The following MYO7A variants were observed in gnomAD, a reference collection of about 807,000 sequenced individuals.
The protein encoded by MYO7A is myosin VIIA, also known as unconventional myosin-VIIa.
A neutral mutation model predicts 263.8 loss-of-function variants in MYO7A; 210 were observed. That is an observed-to-expected ratio of 0.80 (90% CI 0.71 to 0.89). The LOEUF is 0.89. MYO7A is among the 40% of genes least tolerant of loss of function. MYO7A has a pLI of 0.00. For synonymous variants in MYO7A, 1,239 were observed against 1,197.3 expected (o/e 1.03, Z -0.72); for missense variants, 2,820 against 2,968.3 (o/e 0.95, Z 1.16).
rs918959221 is a variant in MYO7A, at chr11:77,155,721, G to C, written c.286-186G>C. Among the ~76,000 whole-genome samples the C allele has an allele frequency of 2.0e-5, 3 of 152,206 alleles. No individual in the cohort carries two copies. The East Asian group carries it at 5.8e-4, about 29-fold the overall frequency. On this transcript the variant is annotated intron_variant, in intron 4 of 48. Coordinates refer to ENST00000409709, the MANE Select transcript of MYO7A (RefSeq NM_000260.4). ...GAGCACTAACTCCGAGCCAGACCCA[G>C]TGCTGGACAGAAGGCCCTGCCCCAG...
chr11:77,183,115 G>A lies in MYO7A; in HGVS notation c.3333G>A (p.Leu1111=), dbSNP rs1555086006. ...AGAAGAGCAGTGTGAGGCACAAGCT[G>A]GTGCATTTGACTCTGAAAAAGAAGT... ...GQKKSSVRHK[L]VHLTLKKKSK... Residue 1111 remains leucine (L), a synonymous_variant, in exon 26 of 49, where the codon CTG becomes CTA. Coordinates refer to ENST00000409709, the MANE Select transcript of MYO7A (RefSeq NM_000260.4). 2 of 1,552,360 alleles carry A rather than the reference G, an allele frequency of 1.3e-6. No individual in the cohort carries two copies. The highest frequency in any genetic ancestry group is 3.9e-5 in the Admixed American group (2 of 51,126).
chr11:77,161,016 A>G lies in MYO7A; in HGVS notation c.1244A>G (p.Asn415Ser), dbSNP rs781837338. Reference protein sequence around the residue: ...RLFVWIVDKINAAIYKPPSQD... With the variant: ...RLFVWIVDKISAAIYKPPSQD... ...TTCGTGTGGATTGTGGACAAGATCA[A>G]CGCAGCAATTTACAAGCCTCCCTCC... is the stretch of plus-strand genomic sequence containing the variant. Residue 415 changes from asparagine (N) to serine (S), a missense_variant, in exon 12 of 49, where the codon AAC (asparagine) becomes AGC (serine). Transcript: ENST00000409709. 1.9e-6 allele frequency: 3 copies of G among 1,613,130 alleles called. No individual in the cohort carries two copies. The highest frequency in any genetic ancestry group is 1.1e-5 in the South Asian group (1 of 90,742).
Position 77,158,361 on chromosome 11 carries a change from G to A in MYO7A, c.934G>A (p.Asp312Asn). Residue 312 changes from aspartate to asparagine, a missense_variant, in exon 9 of 49, where the codon GAC becomes AAC. Coordinates refer to ENST00000409709, the MANE Select transcript of MYO7A (RefSeq NM_000260.4). ...RSAMKVLMFT[D>N]TENWEISKLL... ...CGCCATGAAGGTGCTCATGTTCACT[G>A]ACACCGAGAACTGGGAGATCTCGAA... 6.2e-7 allele frequency: 1 copy of A among 1,613,396 alleles called. No individual in the cohort carries two copies.
At position 77,206,338 on chromosome 11, in the gene MYO7A, CG is replaced by C. The variant is rs1194860425; in HGVS notation, c.5742+140del. 4 of 677,384 alleles carry C rather than the reference CG, an allele frequency of 5.9e-6. No individual in the cohort carries two copies. The Admixed American group carries it at 1.2e-4, about 19-fold the overall frequency. 42.0% of individuals were successfully genotyped at this position (677,384 alleles called of 1,614,324 possible). A position where few individuals can be genotyped will look rare whatever the true frequency, so the allele number is the denominator to read the frequency against. ...TCGTCCTCCTGCCCCGTAGTGGAGT[CG>C]GGGCTCAGGACGAAGGCCATCGACT... On this transcript the variant is annotated intron_variant, in intron 41 of 48. Coordinates refer to ENST00000409709, the MANE Select transcript of MYO7A (RefSeq NM_000260.4).
intron 3 of MYO7A, 31 bp from the exon 4 acceptor site, chr11:77,147,767 G>A (rs1473510807): frequency 6.2e-7 from 1 of 1,603,834 alleles, no homozygotes; most frequent in Non-Finnish European, 8.5e-7. Context: ...TGGGCCCCAG[G>A]AGAGCACGCT....
At chr11:77,155,188 T>G (rs1221224264) in intron 4 of MYO7A, among the ~76,000 whole-genome samples, 3 of 152,218 alleles carry the variant, frequency 2.0e-5, no homozygotes, top group Non-Finnish European at 4.4e-5. Context: ...TGGCAGGACC[T>G]CAAGGCCACA....
At chr11:77,173,723 C>G (rs1435810245) in intron 16 of MYO7A, among the ~76,000 whole-genome samples, 2 of 152,120 alleles carry the variant, frequency 1.3e-5, no homozygotes, top group African/African-American at 2.4e-5. Flanking sequence ...AGGAAACAGT[C>G]TCCGGAAGCT....
At chr11:77,198,686 C>A (rs981562819) in intron 34 of MYO7A, 65 bp downstream of exon 34, 1 of 1,600,806 alleles carries the variant, frequency 6.2e-7, no homozygotes, top group Non-Finnish European at 8.5e-7. Flanking sequence ...AGCTTCCCTG[C>A]GGGTCACAGG....
At chr11:77,159,876 T>G (rs552886044) in intron 10 of MYO7A, among the ~76,000 whole-genome samples, 5 of 152,262 alleles carry the variant, frequency 3.3e-5, no homozygotes, top group African/African-American at 1.2e-4. Flanking sequence ...CTTATTAGGG[T>G]TGGAAAACTG....
Position 77,173,009 on chromosome 11 carries a change from C to A in MYO7A, c.1935+124C>A, listed in dbSNP as rs984952029. ...TTGTCCCTTTGGGGAATGGGGGGCA[C>A]CCCGGGAGCTTACAAAACAAGGCCC... On this transcript the variant is annotated intron_variant, in intron 16 of 48. Transcript: ENST00000409709. 1.1e-5 allele frequency: 15 copies of A among 1,350,746 alleles called. No individual in the cohort carries two copies. In the Admixed American group the frequency reaches 3.6e-4, roughly 33 times the overall value. The allele number at this position is 1,350,746 out of a possible 1,614,324, so 83.7% of individuals were successfully genotyped here. A position where few individuals can be genotyped will look rare whatever the true frequency, so the allele number is the denominator to read the frequency against.
chr11:77,211,311 C>G lies in MYO7A; in HGVS notation c.6211C>G (p.Gln2071Glu). ...GCTGGTGCCCCAGGACCTTATCCGG[C>G]AGGTCTCACCTGATGACTGGAAGCG... ...RELVPQDLIR[Q>E]VSPDDWKRSI... Residue 2071 changes from glutamine (Q) to glutamate (E), a missense_variant, in exon 45 of 49, where the codon CAG becomes GAG. Transcript: ENST00000409709. 1.3e-6 allele frequency: 2 copies of G among 1,583,502 alleles called. No individual in the cohort carries two copies. The highest frequency in any genetic ancestry group is 2.7e-5 in the African/African-American group (2 of 74,390).
chr11:77,175,666 G>A (rs1413571292), intron 18 of MYO7A, among the ~76,000 whole-genome samples: 1 of 152,192 alleles, frequency 6.6e-6, no homozygotes, highest in Non-Finnish European at 1.5e-5. Flanking sequence ...TACAACCTGG[G>A]AGTGGGGTCA....
chr11:77,162,932 A>G lies in MYO7A; in HGVS notation c.1634A>G (p.His545Arg), dbSNP rs781981689. The change falls in exon 14 of 49, where the codon CAT becomes CGT. Residue 545 changes from histidine to arginine, a missense_variant. Physicochemically the swap from His to Arg is conservative, Grantham distance 29 (BLOSUM62 0). Coordinates refer to ENST00000409709, the MANE Select transcript of MYO7A (RefSeq NM_000260.4). ...NANYIPPKNN[H>R]ETQFGINHFA... Reference sequence around the variant, plus strand: ...AACTACATCCCCCCCAAGAACAACCATGAGACCCAGTTTGGCATCAACCAT... The same window carrying G: ...AACTACATCCCCCCCAAGAACAACCGTGAGACCCAGTTTGGCATCAACCAT... 1.9e-5 allele frequency: 31 copies of G among 1,613,632 alleles called. 1 individual carries two copies. The South Asian group carries it at 2.3e-4, about 12-fold the overall frequency.
intron 35 of MYO7A, 138 bp from the exon 36 acceptor site, chr11:77,201,310 G>T (rs1957046719): frequency 2.4e-6 from 2 of 828,882 alleles, no homozygotes; most frequent in Non-Finnish European, 3.9e-6. Flanking sequence ...GATGGTCTCT[G>T]TATGGAGAGT....
intron 15 of MYO7A, 53 bp from the exon 16 acceptor site, chr11:77,172,695 A>G (rs1954214562): frequency 1.3e-6 from 2 of 1,544,260 alleles, no homozygotes; most frequent in Admixed American, 3.9e-5. Context: ...GGCTCCTGGG[A>G]CACTGGATGG....
intron 46 of MYO7A, 146 bp downstream of exon 46, chr11:77,212,083 C>A: frequency 1.3e-6 from 1 of 743,290 alleles, no homozygotes; most frequent in Non-Finnish European, 2.4e-6. Context: ...TCAGCCTTGT[C>A]CCAGCTTAGC....
rs767506335 is a variant in MYO7A, at chr11:77,205,536, C to T, written c.5555C>T (p.Pro1852Leu). 1.9e-6 allele frequency: 3 copies of T among 1,609,496 alleles called. No homozygotes were observed. In the South Asian group the frequency reaches 3.3e-5, roughly 18 times the overall value. The change falls in exon 40 of 49, where the codon CCC (proline) becomes CTC (leucine). Residue 1852 changes from proline to leucine, a missense_variant. Coordinates refer to ENST00000409709, the MANE Select transcript of MYO7A (RefSeq NM_000260.4). ...TTCCCACCCAGCAACATCCTCCTGC[C>T]CCACGTGCAGCGCTTCCTGCAGTCC... ...GLFPPSNILL[P>L]HVQRFLQSRK...
chr11:77,190,122 A>G lies in MYO7A; in HGVS notation c.3733A>G (p.Ser1245Gly). Residue 1245 changes from serine to glycine, a missense_variant, in exon 29 of 49, where the codon AGC becomes GGC. Transcript: ENST00000409709. The stretch of plus-strand genomic sequence containing the variant: ...CAATGGGACACGGACACAGCCGCCC[A>G]GCTGGCTGGAGCTGCAGGTTCGTGC... The part of the protein sequence containing the change: ...FVNGTRTQPP[S>G]WLELQATKSK... The G allele has an allele frequency of 5.7e-6, 9 of 1,566,490 alleles. No individual in the cohort carries two copies. The highest frequency in any genetic ancestry group is 7.8e-6 in the Non-Finnish European group (9 of 1,156,284).
chr11:77,202,887 G>A (rs1355523816), intron 37 of MYO7A, among the ~76,000 whole-genome samples, 173 bp from the exon 38 acceptor site: 5 of 151,300 alleles, frequency 3.3e-5, no homozygotes, highest in Admixed American at 2.0e-4. Flanking sequence ...AAGGCCCAGT[G>A]ACTGCCAGTG....
Sources: gnomAD v4.1 joint callset for allele counts (sites outside exome capture counted in the v4.1 genomes callset) on GRCh38, gnomAD v4.1.1 for gene constraint, MANE v1.5 for transcripts, NCBI Gene and HGNC (gene_info 2026-07-23, HGNC 2026-07-21) for gene names.